DIP2C: variants seen among roughly 807,000 people sequenced by gnomAD.
The protein encoded by DIP2C is DIP2 acetate--CoA ligase C (putative), also known as disco-interacting protein 2 homolog C.
Under a neutral mutation model 192.4 loss-of-function variants are expected in DIP2C, and 33 were observed. That is an observed-to-expected ratio of 0.17 (90% CI 0.13 to 0.23). The LOEUF (loss-of-function observed/expected upper bound fraction) is 0.23, where lower values mean the gene tolerates loss of function less well. Ranked by LOEUF, DIP2C falls within the 10% of genes least tolerant of loss-of-function variation. DIP2C has a pLI of 1.00. For missense variants in DIP2C, 1,537 were observed against 2,110.1 expected (o/e 0.73, Z 5.32); for synonymous variants, 979 against 864.1 (o/e 1.13, Z -2.33).
chr10:647,385 T>A lies in DIP2C; in HGVS notation c.85+42109A>T, dbSNP rs191904371. ...CGGGAGAGAACAGAGGGAAACTGAG[T>A]CCACGTCCACATTGGATGGTGGGAG... On this transcript the variant is annotated intron_variant, in intron 1 of 36. Coordinates refer to ENST00000280886, the MANE Select transcript of DIP2C (RefSeq NM_014974.3). 1.7e-3 allele frequency among the ~76,000 whole-genome samples: 252 copies of A among 149,706 alleles called. 2 individuals carry two copies. The East Asian group carries it at 0.021, about 13-fold the overall frequency.
intron 1 of DIP2C, among the ~76,000 whole-genome samples, chr10:615,500 G>A (rs1853404999): frequency 6.6e-6 from 1 of 152,160 alleles, no homozygotes; most frequent in Non-Finnish European, 1.5e-5. Flanking sequence ...GCAGAAGAGG[G>A]CTCAAGACAC....
chr10:407,504 G>C (rs1411346955), intron 9 of DIP2C, among the ~76,000 whole-genome samples: 2 of 152,170 alleles, frequency 1.3e-5, no homozygotes, highest in African/African-American at 4.8e-5. Context: ...TTGAGGGACT[G>C]TCACGTTTTT....
intron 1 of DIP2C, among the ~76,000 whole-genome samples, chr10:548,218 C>CCCCCCA (rs1282724092): frequency 6.9e-5 from 9 of 130,402 alleles, no homozygotes; most frequent in Non-Finnish European, 1.6e-4. Context: ...ACCCCCCCCC[C>CCCCCCA]CACAGGAAAG....
intron 1 of DIP2C, among the ~76,000 whole-genome samples, chr10:571,967 T>C (rs535566791): frequency 4.6e-5 from 7 of 152,328 alleles, no homozygotes; most frequent in Non-Finnish European, 8.8e-5. Flanking sequence ...CCATAAGCAT[T>C]CCGAAATATG....
rs188023406 is a variant in DIP2C, at chr10:414,028, C to A, written c.942G>T (p.Thr314=). ...CGGCCTCCAGCGACGGCGGCCAGTT[C>A]GTGACCACGCCCAGCTGCTCTCCGC... The part of the protein sequence containing the change: ...AMRGEQLGVV[T]NWPPSLEAAL... The change falls in exon 8 of 37, where the codon ACG becomes ACT. Residue 314 remains threonine (T), a synonymous_variant. Transcript: ENST00000280886. 2 of 1,614,020 alleles carry A rather than the reference C, an allele frequency of 1.2e-6. No individual in the cohort carries two copies. Among genetic ancestry groups the A allele is most frequent in the Non-Finnish European group, 1.7e-6 (2 of 1,180,008 alleles).
chr10:584,856 T>C (rs1424617755), intron 1 of DIP2C, among the ~76,000 whole-genome samples: 1 of 109,774 alleles, frequency 9.1e-6, no homozygotes, highest in Non-Finnish European at 1.7e-5. Flanking sequence ...TCAGATAATC[T>C]CGGGGCCCAC....
intron 1 of DIP2C, among the ~76,000 whole-genome samples, chr10:493,638 C>T (rs566807068): frequency 2.0e-5 from 3 of 152,156 alleles, no homozygotes; most frequent in African/African-American, 4.8e-5. Flanking sequence ...CTCCGCTTCC[C>T]GACAGACAGA....
At chr10:617,652 A>AC (rs1446941858) in intron 1 of DIP2C, among the ~76,000 whole-genome samples, 8 of 127,746 alleles carry the variant, frequency 6.3e-5, no homozygotes, top group African/African-American at 2.4e-4. Flanking sequence ...TCCTGTGGAT[A>AC]CCACCCCCCC....
chr10:502,166 T>C (rs1034373735), intron 1 of DIP2C, among the ~76,000 whole-genome samples: 7 of 152,168 alleles, frequency 4.6e-5, no homozygotes, highest in African/African-American at 1.2e-4. Flanking sequence ...TCCCACATCA[T>C]AGTTTTTACA....
intron 29 of DIP2C, among the ~76,000 whole-genome samples, chr10:330,642 CCAT>C (rs973161596): frequency 4.2e-4 from 57 of 137,208 alleles, no homozygotes; most frequent in African/African-American, 1.6e-3. Flanking sequence ...GTGTGCACCA[CCAT>C]GCTTGTTTTT....
intron 1 of DIP2C, among the ~76,000 whole-genome samples, chr10:671,985 G>A (rs1413135897): frequency 9.2e-5 from 12 of 130,124 alleles, no homozygotes; most frequent in Non-Finnish European, 1.6e-4. Flanking sequence ...ACGGAAGGAG[G>A]AAACAGGCCA....
At chr10:423,842 C>T (rs993570380) in intron 4 of DIP2C, among the ~76,000 whole-genome samples, 2 of 152,314 alleles carry the variant, frequency 1.3e-5, no homozygotes, top group East Asian at 1.9e-4. Flanking sequence ...CGTTTTCCTC[C>T]GGGGCACACG....
chr10:489,816 G>A (rs113431235), intron 1 of DIP2C, among the ~76,000 whole-genome samples: 1 of 113,294 alleles, frequency 8.8e-6, no homozygotes, highest in Non-Finnish European at 1.8e-5. Flanking sequence ...GACGGTGCCC[G>A]GGGCTTCCTC....
At chr10:351,856 T>C (rs1015168108) in intron 24 of DIP2C, among the ~76,000 whole-genome samples, 1 of 152,170 alleles carries the variant, frequency 6.6e-6, no homozygotes, top group Admixed American at 6.5e-5. Context: ...CAAGTGAACA[T>C]GGGACAGAGA....
chr10:535,340 GCTAA>G (rs1335912709), intron 1 of DIP2C, among the ~76,000 whole-genome samples: 1 of 151,660 alleles, frequency 6.6e-6, no homozygotes, highest in African/African-American at 2.4e-5. Flanking sequence ...TCCATGCTGT[GCTAA>G]CTCTCATCTG....
intron 16 of DIP2C, 45 bp from the exon 17 acceptor site, chr10:382,806 A>T: frequency 7.3e-7 from 1 of 1,373,770 alleles, no homozygotes; most frequent in Non-Finnish European, 1.0e-6. Flanking sequence ...AAGCACTGTG[A>T]TTGATTACAA....
intron 1 of DIP2C, among the ~76,000 whole-genome samples, chr10:673,636 C>T (rs921326161): frequency 6.6e-6 from 1 of 152,206 alleles, no homozygotes; most frequent in Non-Finnish European, 1.5e-5. Context: ...TGTGCCCATA[C>T]TCCTTCCCCA....
intron 1 of DIP2C, among the ~76,000 whole-genome samples, chr10:616,149 C>T (rs1365978681): frequency 2.0e-5 from 3 of 152,224 alleles, no homozygotes; most frequent in Non-Finnish European, 4.4e-5. Context: ...AAAAGCAATT[C>T]TGTTCTCTTC....
intron 17 of DIP2C, 102 bp downstream of exon 17, chr10:382,545 A>G (rs1274621061): frequency 1.2e-6 from 1 of 864,984 alleles, no homozygotes; most frequent in South Asian, 1.5e-5. Flanking sequence ...TCCCGTTTTC[A>G]CCCTCACCCT....
Sources: allele counts gnomAD v4.1 joint callset (sites outside exome capture counted in the v4.1 genomes callset), GRCh38; gene constraint gnomAD v4.1.1; transcripts MANE v1.5; gene names NCBI Gene and HGNC (gene_info 2026-07-23, HGNC 2026-07-21).